The following CA5A variants were observed in gnomAD, a reference collection of about 807,000 sequenced individuals.
The protein encoded by CA5A is carbonic anhydrase 5A, also known as carbonic anhydrase 5A, mitochondrial.
In CA5A, 28 loss-of-function variants were observed where a neutral mutation model predicts 37.1. The observed-to-expected ratio is 0.75, with a 90% confidence interval of 0.56 to 1.03. The LOEUF (loss-of-function observed/expected upper bound fraction) is 1.03. Ranked by LOEUF, CA5A falls within the 50% of genes least tolerant of loss-of-function variation. CA5A has a pLI of 0.00. For synonymous variants in CA5A, 171 were observed against 158.4 expected, an observed-to-expected ratio of 1.08 and a Z score of -0.60; for missense variants, 444 against 399.9, an observed-to-expected ratio of 1.11 and a Z score of -0.94.
At position 87,891,516 on chromosome 16, in the gene CA5A, C is replaced by T. The variant is rs140820011; in HGVS notation, c.774+283G>A. 6.6e-5 allele frequency among the ~76,000 whole-genome samples: 10 copies of T among 151,944 alleles called. No individual in the cohort carries two copies. The East Asian group carries it at 1.7e-3, about 26-fold the overall frequency. On this transcript the variant is annotated intron_variant, in intron 6 of 6. Coordinates refer to ENST00000649794, the MANE Select transcript of CA5A (RefSeq NM_001739.2). ...AAAAAGGAAGAAAACAAAAACCATGCAGACCCATGACCCTGGGACAACTCC... is the reference window on the plus strand; with the variant it reads ...AAAAAGGAAGAAAACAAAAACCATGTAGACCCATGACCCTGGGACAACTCC...
intron 2 of CA5A, among the ~76,000 whole-genome samples, chr16:87,917,696 C>T (rs1040193835): frequency 1.8e-4 from 26 of 145,426 alleles, no homozygotes; most frequent in Admixed American, 8.9e-4. Context: ...AATGCACACC[C>T]GCACACGAAC....
chr16:87,905,505 T>C (rs6540103), intron 2 of CA5A, among the ~76,000 whole-genome samples: 24,832 of 151,880 alleles, frequency 0.16, 3,380 homozygotes, highest in African/African-American at 0.38. Context: ...ATTACAGGCA[T>C]GTGCCACCAG....
At position 87,909,007 on chromosome 16, in the gene CA5A, A is replaced by G. The variant is rs1313486829; in HGVS notation, c.341-4103T>C. ...CCCGGCTATTTTTTTTTTTTTTTGT[A>G]TTTTTAGTAGAGACGGGGTTTCACC... On this transcript the variant is annotated intron_variant, in intron 2 of 6. Coordinates refer to ENST00000649794, the MANE Select transcript of CA5A (RefSeq NM_001739.2). Among the ~76,000 whole-genome samples, 61 of 114,042 alleles carry G rather than the reference A, an allele frequency of 5.3e-4. 1 individual carries two copies. Among genetic ancestry groups the G allele is most frequent in the African/African-American group, 2.2e-3 (58 of 25,994 alleles). 74.8% of individuals were successfully genotyped at this position (114,042 alleles called of 152,430 possible).
downstream of CA5A, chr16:87,884,261 C>CAAAAAAAAA (rs969489629): frequency 3.0e-3 from 81 of 26,656 alleles, no homozygotes; most frequent in Non-Finnish European, 4.2e-3. Flanking sequence ...ACTAAAAATG[C>CAAAAAAAAA]AAAAAAAAAA....
chr16:87,894,895 G>C (rs1479349917), intron 5 of CA5A, among the ~76,000 whole-genome samples: 2 of 151,850 alleles, frequency 1.3e-5, no homozygotes, highest in African/African-American at 4.8e-5. Context: ...AACAGCAGCA[G>C]CAGCAAAACC....
chr16:87,926,039 A>C (rs146544119), intron 2 of CA5A, among the ~76,000 whole-genome samples: 1 of 152,252 alleles, frequency 6.6e-6, no homozygotes, highest in Non-Finnish European at 1.5e-5. Flanking sequence ...CCTGGCCAAC[A>C]TGGCGACATC....
intron 1 of CA5A, 57 bp from the exon 2 acceptor site, chr16:87,927,002 G>C (rs1352430468): frequency 8.2e-7 from 1 of 1,223,542 alleles, no homozygotes; most frequent in Non-Finnish European, 1.2e-6. Flanking sequence ...CTGTGTCTTG[G>C]ACGGACAGGG....
chr16:87,931,731 G>A (rs780074737), intron 1 of CA5A, among the ~76,000 whole-genome samples: 6 of 152,204 alleles, frequency 3.9e-5, no homozygotes, highest in Non-Finnish European at 7.4e-5. Context: ...AACTCGCTAA[G>A]TGCCGGAAAG....
At position 87,911,439 on chromosome 16, in the gene CA5A, G is replaced by C. The variant is rs1219655156; in HGVS notation, c.341-6535C>G. Among the ~76,000 whole-genome samples, 1 of 152,234 alleles carries C rather than the reference G, an allele frequency of 6.6e-6. No homozygotes were observed. Among genetic ancestry groups the C allele is most frequent in the Non-Finnish European group, 1.5e-5 (1 of 68,040 alleles). On this transcript the variant is annotated intron_variant, in intron 2 of 6. Transcript: ENST00000649794. This position sits in a 1 kb window ranked among gnomAD's most constrained non-coding sequence, Gnocchi z 4.6. ...ATTTGTAGTTCGGGGCTTTTACCAA[G>C]ATGAGCAGGCTTTTGGCAGGCACGG...
At chr16:87,899,919 CAAAAAAAAAAAAAAAAAAAAA>C (rs565557401) in intron 5 of CA5A, among the ~76,000 whole-genome samples, 3 of 46,512 alleles carry the variant, frequency 6.4e-5, no homozygotes, top group African/African-American at 8.2e-5. Context: ...GATTTTATCT[CAAAAAAAAAAAAAAAAAAAAA>C]AAAAAAAAAA....
At chr16:87,888,525 C>T (rs1214848293) in intron 6 of CA5A, among the ~76,000 whole-genome samples, 3 of 152,204 alleles carry the variant, frequency 2.0e-5, no homozygotes, top group East Asian at 1.9e-4. Context: ...CAAGCAGCCC[C>T]GAGGAGAGGC....
chr16:87,926,902 G>T lies in CA5A; in HGVS notation c.186C>A (p.Thr62=). The T allele has an allele frequency of 4.4e-6, 7 of 1,605,652 alleles. No homozygotes were observed. The highest frequency in any genetic ancestry group is 6.0e-6 in the Non-Finnish European group (7 of 1,175,688). The change falls in exon 2 of 7, where the codon ACC becomes ACA. Residue 62 remains threonine (T), a synonymous_variant. Coordinates refer to ENST00000649794, the MANE Select transcript of CA5A (RefSeq NM_001739.2). ...WTVPVSVPGG[T]RQSPINIQWR... ...ACTGGATGTTAATAGGAGACTGCCGGGTGCCCCCTGGCACGGAGACCGGGA... is the reference window on the plus strand; with the variant it reads ...ACTGGATGTTAATAGGAGACTGCCGTGTGCCCCCTGGCACGGAGACCGGGA...
intron 2 of CA5A, among the ~76,000 whole-genome samples, chr16:87,921,831 G>T (rs1308953793): frequency 6.6e-6 from 1 of 151,996 alleles, no homozygotes; most frequent in Non-Finnish European, 1.5e-5. Context: ...TCTAGAGGAA[G>T]CACAGGTTGT....
intron 1 of CA5A, among the ~76,000 whole-genome samples, chr16:87,929,678 C>T (rs943116254): frequency 1.2e-4 from 18 of 151,738 alleles, no homozygotes; most frequent in South Asian, 2.1e-4. Context: ...CGAGACCATC[C>T]TGGCTAACAC....
intron 2 of CA5A, among the ~76,000 whole-genome samples, chr16:87,925,175 T>C (rs1453238894): frequency 1.3e-5 from 2 of 152,178 alleles, no homozygotes; most frequent in South Asian, 2.1e-4. Context: ...GATGTGGAGC[T>C]GTGGCTGCGG....
intron 2 of CA5A, among the ~76,000 whole-genome samples, chr16:87,915,273 C>T (rs570662876): frequency 6.6e-6 from 1 of 152,330 alleles, no homozygotes; most frequent in East Asian, 1.9e-4. Context: ...ATTTCTATCA[C>T]TGACTGCTTT....
chr16:87,888,887 G>C (rs993444387), intron 6 of CA5A, among the ~76,000 whole-genome samples: 1 of 151,636 alleles, frequency 6.6e-6, no homozygotes, highest in African/African-American at 2.4e-5. Flanking sequence ...TGAGTAGTTG[G>C]AATTACAGGC....
At chr16:87,893,643 G>T in intron 5 of CA5A, 1 of 637,650 alleles carries the variant, frequency 1.6e-6, no homozygotes, top group South Asian at 1.4e-5. Context: ...CTGTGCCCCT[G>T]GTGCCGACAA....
chr16:87,912,502 A>C (rs527409478), intron 2 of CA5A, among the ~76,000 whole-genome samples: 53 of 152,332 alleles, frequency 3.5e-4, no homozygotes, highest in South Asian at 6.2e-4. Flanking sequence ...TGCAAGCATA[A>C]AAGAAGAAAA....
Sources: gnomAD v4.1 joint callset for allele counts (sites outside exome capture counted in the v4.1 genomes callset) on GRCh38, gnomAD v4.1.1 for gene constraint, Gnocchi (gnomAD v3.1) non-coding constraint, MANE v1.5 for transcripts, NCBI Gene and HGNC (gene_info 2026-07-23, HGNC 2026-07-21) for gene names.